The following CASP8 variants were observed in gnomAD, a reference collection of about 807,000 sequenced individuals.
CASP8 encodes the protein caspase-8.
Under a neutral mutation model 46.3 loss-of-function variants are expected in CASP8, and 24 were observed. The ratio of observed to expected loss-of-function variants is 0.52; its 90% confidence interval spans 0.38 to 0.73. The LOEUF (loss-of-function observed/expected upper bound fraction) is 0.73. Ranked by LOEUF, CASP8 falls within the 30% of genes least tolerant of loss-of-function variation. The probability of loss-of-function intolerance (pLI) is 0.00; values close to 1 mark genes in which losing one functional copy is unlikely to be tolerated. For synonymous variants in CASP8, 188 were observed against 200.4 expected (o/e 0.94, Z 0.52); for missense variants, 460 against 559.0 (o/e 0.82, Z 1.79).
rs3817578 is a variant in CASP8 at position 201,271,872 on chromosome 2, C to T, written c.411+251C>T. On this transcript the variant is annotated intron_variant, in intron 3 of 8. Transcript: ENST00000673742. ...AGGCTGTGCAGATGCAGCCCAGACC[C>T]GGCAGAGCTGGGAAAGACTGCGGTG... Among the ~76,000 whole-genome samples the T allele has an allele frequency of 0.1, 15,319 of 152,196 alleles. 1,195 individuals carry two copies. The highest frequency in any genetic ancestry group is 0.28 in the South Asian group (1,359 of 4,820).
At chr2:201,265,907 G>T (rs34637372) in intron 1 of CASP8, among the ~76,000 whole-genome samples, 59 of 151,766 alleles carry the variant, frequency 3.9e-4, no homozygotes, top group Admixed American at 1.2e-3. Flanking sequence ...CTAAGTTAAG[G>T]TTTCTTCCTC....
chr2:201,252,357 C>A (rs1946825992), intron 2 of CASP8, among the ~76,000 whole-genome samples: 1 of 152,040 alleles, frequency 6.6e-6, no homozygotes, highest in Non-Finnish European at 1.5e-5. Flanking sequence ...CTCACTGCAA[C>A]CTCTACCTCC....
At chr2:201,242,678 A>G (rs1325735296) in intron 2 of CASP8, 1 of 151,850 alleles carries the variant, frequency 6.6e-6, no homozygotes, top group Non-Finnish European at 1.5e-5. Flanking sequence ...TTTTTTTTTT[A>G]CAGAAAAAAA....
chr2:201,236,503 A>G (rs1362205368), intron 2 of CASP8, among the ~76,000 whole-genome samples: 2 of 152,210 alleles, frequency 1.3e-5, no homozygotes, highest in East Asian at 3.8e-4. Flanking sequence ...GTTAGTGGTC[A>G]TTGCCAGAGT....
chr2:201,275,708 C>T (rs1948589815), intron 6 of CASP8, among the ~76,000 whole-genome samples: 1 of 152,200 alleles, frequency 6.6e-6, no homozygotes, highest in South Asian at 2.1e-4. Context: ...AAAACACTGT[C>T]TTAATATCTT....
chr2:201,274,783 T>A (rs771257298), intron 5 of CASP8, 106 bp from the exon 6 acceptor site: 7 of 933,078 alleles, frequency 7.5e-6, no homozygotes, highest in African/African-American at 3.3e-5. Flanking sequence ...AGCTTGAATT[T>A]TCATCTTAAA....
intron 7 of CASP8, among the ~76,000 whole-genome samples, chr2:201,280,097 GAGTT>G (rs374495449): frequency 3.7e-4 from 57 of 152,240 alleles, no homozygotes; most frequent in African/African-American, 9.4e-4. Flanking sequence ...TATTCTTAGA[GAGTT>G]AGTTAAAGGT....
rs1260721789 is a variant in CASP8, at chr2:201,276,852, A to G, written c.686A>G (p.Lys229Arg). The change falls in exon 7 of 9, where the codon AAA becomes AGA. Residue 229 changes from lysine (K) to arginine (R), a missense_variant. Coordinates refer to ENST00000673742, the MANE Select transcript of CASP8 (RefSeq NM_001372051.1). The stretch of plus-strand genomic sequence containing the variant: ...ACTTTGGACAAAGTTTACCAAATGA[A>G]AAGCAAACCTCGGGGATACTGTCTG... Reference protein sequence around the residue: ...SQTLDKVYQMKSKPRGYCLII... With the variant: ...SQTLDKVYQMRSKPRGYCLII... The G allele has an allele frequency of 1.9e-6, 3 of 1,614,020 alleles. No individual in the cohort carries two copies. Among genetic ancestry groups the G allele is most frequent in the Non-Finnish European group, 1.7e-6 (2 of 1,180,018 alleles).
Position 201,272,340 on chromosome 2 carries a change from GTTGT to G in CASP8, c.412-295_412-292del, listed in dbSNP as rs1381461525. ...CATGATGACCGGGCTGCTGTCTCAG[GTTGT>G]TTCACAGTCCCCAAGTAATGCATTC... is the stretch of plus-strand genomic sequence containing the variant. On this transcript the variant is annotated intron_variant, in intron 3 of 8. Transcript: ENST00000673742. The surrounding 1 kb of genome is among the most constrained non-coding windows in gnomAD (Gnocchi z 4.4). Among the ~76,000 whole-genome samples the G allele has an allele frequency of 6.6e-6, 1 of 152,088 alleles. No homozygotes were observed. Among genetic ancestry groups the G allele is most frequent in the Non-Finnish European group, 1.5e-5 (1 of 68,006 alleles).
chr2:201,279,356 C>T (rs546876463), intron 7 of CASP8, among the ~76,000 whole-genome samples: 1 of 152,342 alleles, frequency 6.6e-6, no homozygotes, highest in South Asian at 2.1e-4. Context: ...CACAGAGAGA[C>T]TGAAGAAAAC....
chr2:201,269,755 A>G, intron 2 of CASP8: 1 of 631,118 alleles, frequency 1.6e-6, no homozygotes, highest in East Asian at 2.8e-5. Flanking sequence ...AGAAAACACT[A>G]GACATTTTAT....
intron 2 of CASP8, among the ~76,000 whole-genome samples, chr2:201,237,339 C>T (rs1487217876): frequency 6.6e-6 from 1 of 150,924 alleles, no homozygotes; most frequent in African/African-American, 2.4e-5. Flanking sequence ...GATCTGCCCG[C>T]CTCGGCTTCC....
chr2:201,277,879 T>C (rs1297315758), intron 7 of CASP8: 1 of 259,752 alleles, frequency 3.8e-6, no homozygotes, highest in South Asian at 3.2e-5. Context: ...TTTTGTATTT[T>C]TAGTAGAGAT....
chr2:201,280,628 G>T (rs554220606), intron 7 of CASP8, among the ~76,000 whole-genome samples: 1 of 152,316 alleles, frequency 6.6e-6, no homozygotes, highest in South Asian at 2.1e-4. Context: ...ACTTCTCATG[G>T]TTATGCTCCA....
At chr2:201,255,170 G>A (rs34756932) in intron 2 of CASP8, among the ~76,000 whole-genome samples, 332 of 152,152 alleles carry the variant, frequency 2.2e-3, no homozygotes, top group African/African-American at 7.8e-3. Flanking sequence ...TGCAACCTCC[G>A]CCTCCTGGGC....
chr2:201,277,614 A>G (rs1195297716), intron 7 of CASP8: 1 of 357,448 alleles, frequency 2.8e-6, no homozygotes, highest in East Asian at 1.1e-4. Flanking sequence ...AACATCAATT[A>G]TTGATTTGTT....
At chr2:201,282,795 C>T (rs376414623) in intron 7 of CASP8, among the ~76,000 whole-genome samples, 2 of 83,780 alleles carry the variant, frequency 2.4e-5, no homozygotes, top group Admixed American at 1.0e-4. Flanking sequence ...ACCTCCCGGA[C>T]GGGGCAGCCG....
chr2:201,277,014 A>AT (rs757126263), intron 7 of CASP8, 46 bp downstream of exon 7: 955 of 1,372,276 alleles, frequency 7.0e-4, no homozygotes, highest in South Asian at 1.1e-3. Flanking sequence ...TCTTATGCCT[A>AT]TTTTTTTTTA....
At chr2:201,257,147 C>T (rs1464918974), upstream of CASP8, among the ~76,000 whole-genome samples, 1 of 150,222 alleles carries the variant, frequency 6.7e-6, no homozygotes, top group Non-Finnish European at 1.5e-5. Flanking sequence ...CTCCGTCCCC[C>T]GAACAAAAAA....
Sources: allele counts gnomAD v4.1 joint callset (sites outside exome capture counted in the v4.1 genomes callset), GRCh38; gene constraint gnomAD v4.1.1; non-coding constraint Gnocchi (gnomAD v3.1); transcripts MANE v1.5; gene names NCBI Gene and HGNC (gene_info 2026-07-23, HGNC 2026-07-21).